The following CSRNP3 variants were observed in gnomAD, a reference collection of about 807,000 sequenced individuals.
The protein encoded by CSRNP3 is cysteine and serine rich nuclear protein 3.
In CSRNP3, 12 loss-of-function variants were observed where a neutral mutation model predicts 48.0. The ratio of observed to expected loss-of-function variants is 0.25; its 90% CI spans 0.16 to 0.41. CSRNP3 has a LOEUF of 0.41. Ranked by LOEUF, CSRNP3 falls within the 10% of genes least tolerant of loss-of-function variation. The pLI, the probability that CSRNP3 is intolerant of heterozygous loss-of-function variation, is 1.00. For missense variants in CSRNP3, 580 were observed against 724.4 expected, an observed-to-expected ratio of 0.80 and a Z score of 2.29; for synonymous variants, 263 against 269.7, an observed-to-expected ratio of 0.98 and a Z score of 0.24.
chr2:165,642,091 T>TACACACACACAAAC lies in CSRNP3; in HGVS notation c.149-15658_149-15645dup, dbSNP rs1558959506. Reference sequence around the variant, plus strand: ...CTATGCATCCAGTAGTACCTGAGAATACACACACACAAACACACACACACA... The same window carrying TACACACACACAAAC: ...CTATGCATCCAGTAGTACCTGAGAATACACACACACAAACACACACACACAAACACACACACACA... On this transcript the variant is annotated intron_variant, in intron 4 of 6. Coordinates refer to ENST00000651982, the MANE Select transcript of CSRNP3 (RefSeq NM_001172173.2). Among the ~76,000 whole-genome samples the TACACACACACAAAC allele has an allele frequency of 4.6e-5, 6 of 131,216 alleles. No individual in the cohort carries two copies. The Admixed American group carries it at 4.7e-4, about 10-fold the overall frequency. 86.1% of individuals were successfully genotyped at this position (131,216 alleles called of 152,430 possible).
At chr2:165,587,590 C>T (rs1323910992) in intron 3 of CSRNP3, among the ~76,000 whole-genome samples, 1 of 152,210 alleles carries the variant, frequency 6.6e-6, no homozygotes, top group Non-Finnish European at 1.5e-5. Flanking sequence ...CTGGTAATTG[C>T]AGAGCTCCAG....
rs139133187 is a variant in CSRNP3, at chr2:165,679,058, G to A, written c.1063G>A (p.Gly355Arg). 3.2e-5 allele frequency: 51 copies of A among 1,613,798 alleles called. No individual in the cohort carries two copies. The highest frequency in any genetic ancestry group is 2.9e-4 in the East Asian group (13 of 44,816). ...EEEDGSSFCS[G>R]VTDSSTQSLA... ...GGAGGATGGGAGCAGCTTTTGCAGC[G>A]GAGTCACAGATTCTAGCACGCAAAG... The change falls in exon 7 of 7, where the codon GGA (glycine) becomes AGA (arginine). Residue 355 changes from glycine to arginine, a missense_variant. Around this residue, in one of 4 missense-constraint regions of CSRNP3, gnomAD observed 369 missense variants for 380.8 expected, o/e 0.97. Coordinates refer to ENST00000651982, the MANE Select transcript of CSRNP3 (RefSeq NM_001172173.2).
At chr2:165,636,654 A>G (rs1686632669) in intron 4 of CSRNP3, among the ~76,000 whole-genome samples, 1 of 152,224 alleles carries the variant, frequency 6.6e-6, no homozygotes. Flanking sequence ...TAACTATAAA[A>G]ACATACATAT....
intron 1 of CSRNP3, among the ~76,000 whole-genome samples, chr2:165,476,130 T>A (rs906740078): frequency 6.6e-6 from 1 of 152,228 alleles, no homozygotes; most frequent in African/African-American, 2.4e-5. Flanking sequence ...CCCATTCTCC[T>A]GAGTTAAATT....
At chr2:165,536,207 G>A (rs997273986) in intron 3 of CSRNP3, among the ~76,000 whole-genome samples, 4 of 151,736 alleles carry the variant, frequency 2.6e-5, no homozygotes, top group African/African-American at 4.8e-5. Flanking sequence ...ATATAATAGC[G>A]TCTTATGTAT....
intron 5 of CSRNP3, among the ~76,000 whole-genome samples, chr2:165,659,820 G>A (rs1258601043): frequency 6.6e-6 from 1 of 152,168 alleles, no homozygotes; most frequent in African/African-American, 2.4e-5. Context: ...AATAAAGTCA[G>A]TCAGCAGGGG....
intron 4 of CSRNP3, among the ~76,000 whole-genome samples, chr2:165,632,543 G>A (rs1383696139): frequency 6.6e-6 from 1 of 152,012 alleles, no homozygotes. Context: ...GAAACCAAAT[G>A]TTATTCTCTC....
intron 2 of CSRNP3, among the ~76,000 whole-genome samples, chr2:165,506,091 G>A (rs1039392621): frequency 5.9e-5 from 9 of 152,218 alleles, no homozygotes; most frequent in African/African-American, 2.2e-4. Flanking sequence ...TCTCTTCACT[G>A]TGGGAAGGAC....
intron 3 of CSRNP3, among the ~76,000 whole-genome samples, chr2:165,520,748 TA>T (rs1450302259): frequency 7.4e-6 from 1 of 135,700 alleles, no homozygotes; most frequent in Non-Finnish European, 1.5e-5. Flanking sequence ...TATAGATATA[TA>T]AATAGATATA....
At chr2:165,471,480 A>G (rs1683894273) in intron 1 of CSRNP3, among the ~76,000 whole-genome samples, 1 of 151,990 alleles carries the variant, frequency 6.6e-6, no homozygotes, top group Admixed American at 6.6e-5. Flanking sequence ...GAGTAAAGCT[A>G]CCTCCAGGAA....
chr2:165,559,784 TTTTC>T (rs1558934441), intron 3 of CSRNP3, among the ~76,000 whole-genome samples: 7 of 145,598 alleles, frequency 4.8e-5, no homozygotes, highest in African/African-American at 1.8e-4. Flanking sequence ...AATGTAATAT[TTTTC>T]TTTCTTTCTT....
At position 165,678,631 on chromosome 2, in the gene CSRNP3, C is replaced by T. The variant is rs547272084; in HGVS notation, c.706-70C>T. On this transcript the variant is annotated intron_variant, in intron 6 of 6. Coordinates refer to ENST00000651982, the MANE Select transcript of CSRNP3 (RefSeq NM_001172173.2). The stretch of plus-strand genomic sequence containing the variant: ...TGGATTACTTAATTCAAAGAAGTTA[C>T]TGAAAAGTTCTGGGCGTTTATTTGG... The T allele has an allele frequency of 1.2e-4, 180 of 1,523,784 alleles. No individual in the cohort carries two copies. The African/African-American group carries it at 2.4e-3, about 20-fold the overall frequency. The allele number at this position is 1,523,784 out of a possible 1,614,324, so 94.4% of individuals were successfully genotyped here.
At chr2:165,675,658 A>G (rs1339993517) in intron 5 of CSRNP3, among the ~76,000 whole-genome samples, 2 of 152,160 alleles carry the variant, frequency 1.3e-5, no homozygotes, top group African/African-American at 2.4e-5. Flanking sequence ...TTATTGTTTC[A>G]GCTGTTGGTT....
chr2:165,662,000 T>G (rs560360998), intron 5 of CSRNP3, among the ~76,000 whole-genome samples: 30 of 152,198 alleles, frequency 2.0e-4, no homozygotes, highest in African/African-American at 7.0e-4. Context: ...TTTGCTGAGT[T>G]CCAAATAGAG....
At chr2:165,568,469 A>G (rs1013251145) in intron 3 of CSRNP3, among the ~76,000 whole-genome samples, 13 of 152,080 alleles carry the variant, frequency 8.5e-5, no homozygotes, top group Admixed American at 1.3e-4. Flanking sequence ...GCTTTTCCCA[A>G]AGTACCACTT....
chr2:165,604,748 C>T (rs543017734), intron 4 of CSRNP3, among the ~76,000 whole-genome samples: 1 of 152,148 alleles, frequency 6.6e-6, no homozygotes, highest in Non-Finnish European at 1.5e-5. Context: ...CCTTCACCAT[C>T]CTTTGAATTG....
intron 2 of CSRNP3, among the ~76,000 whole-genome samples, chr2:165,505,160 G>A (rs1017777188): frequency 7.2e-5 from 11 of 152,204 alleles, no homozygotes; most frequent in Non-Finnish European, 1.3e-4. Context: ...AGTAAGATCT[G>A]ATTCTCAGTT....
chr2:165,530,138 G>T (rs1406176489), intron 3 of CSRNP3, among the ~76,000 whole-genome samples: 1 of 152,078 alleles, frequency 6.6e-6, no homozygotes, highest in Non-Finnish European at 1.5e-5. Flanking sequence ...TAAAGCAAAT[G>T]AAATTTTGAA....
At chr2:165,653,517 G>C (rs1438790037) in intron 4 of CSRNP3, among the ~76,000 whole-genome samples, 1 of 152,076 alleles carries the variant, frequency 6.6e-6, no homozygotes, top group Non-Finnish European at 1.5e-5. Flanking sequence ...CTAGCTTTTA[G>C]GGAAAAGGTA....
Sources: gnomAD v4.1 joint callset for allele counts (sites outside exome capture counted in the v4.1 genomes callset) on GRCh38, gnomAD v4.1.1 for gene constraint, gnomAD v4.1.1 regional missense constraint, MANE v1.5 for transcripts, NCBI Gene and HGNC (gene_info 2026-07-23, HGNC 2026-07-21) for gene names.